Variants in EYS observed in about 807,000 individuals in gnomAD.
EYS encodes protein eyes shut homolog.
In EYS, 250 loss-of-function variants were observed where a neutral mutation model predicts 282.1. That is an observed-to-expected ratio of 0.89 (90% CI 0.80 to 0.98). The LOEUF (loss-of-function observed/expected upper bound fraction) is 0.98, where lower values mean the gene tolerates loss of function less well. EYS is among the 50% of genes least tolerant of loss of function. The pLI is 0.00. For missense variants in EYS, 4,016 were observed against 3,709.0 expected, an observed-to-expected ratio of 1.08 and a Z score of -2.15; for synonymous variants, 1,355 against 1,282.9, an observed-to-expected ratio of 1.06 and a Z score of -1.20.
Position 65,495,175 on chromosome 6 carries a change from G to T in EYS, c.236C>A (p.Pro79His). 1 of 1,614,006 alleles carries T rather than the reference G, an allele frequency of 6.2e-7. No homozygotes were observed. The highest frequency in any genetic ancestry group is 8.5e-7 in the Non-Finnish European group (1 of 1,179,936). Residue 79 changes from proline to histidine, a missense_variant, in exon 4 of 43, where the codon CCT (proline) becomes CAT (histidine). Physicochemically the swap from Pro to His is moderately conservative, Grantham distance 77. Coordinates refer to ENST00000503581, the MANE Select transcript of EYS (RefSeq NM_001142800.2). ...GATATCTCCTAATTGAATTTGCAAA[G>T]GGCAAATCTGGGGAACAGCTTGATT... ...SGNQAVPQIC[P>H]LQIQLGDILV... is the part of the protein sequence containing the mutation.
chr6:65,073,994 T>C (rs1773975281), intron 12 of EYS, among the ~76,000 whole-genome samples: 1 of 152,034 alleles, frequency 6.6e-6, no homozygotes, highest in Non-Finnish European at 1.5e-5. Flanking sequence ...ACTGGGCACA[T>C]GGAAGATGTT....
At chr6:64,396,392 TC>T (rs201793979) in intron 28 of EYS, among the ~76,000 whole-genome samples, 2,618 of 152,242 alleles carry the variant, frequency 0.017, 66 homozygotes, top group African/African-American at 0.059. Flanking sequence ...GCAAGGATTT[TC>T]TTTTTACTTT....
At chr6:65,275,965 A>G (rs1768034848) in intron 12 of EYS, among the ~76,000 whole-genome samples, 1 of 152,074 alleles carries the variant, frequency 6.6e-6, no homozygotes, top group Admixed American at 6.6e-5. Context: ...TATTCCACAT[A>G]ACACTGCTTC....
chr6:65,448,809 A>T (rs1031322272), intron 5 of EYS, among the ~76,000 whole-genome samples: 1 of 152,114 alleles, frequency 6.6e-6, no homozygotes, highest in Non-Finnish European at 1.5e-5. Flanking sequence ...AAGCAACTTA[A>T]GACTTGATGA....
At chr6:64,128,088 C>T (rs888931685) in intron 31 of EYS, among the ~76,000 whole-genome samples, 1 of 152,190 alleles carries the variant, frequency 6.6e-6, no homozygotes, top group Admixed American at 6.5e-5. Context: ...GAACTTGGGA[C>T]ATCTAAAGAG....
At chr6:64,262,328 T>C (rs1273455478) in intron 30 of EYS, among the ~76,000 whole-genome samples, 1 of 151,298 alleles carries the variant, frequency 6.6e-6, no homozygotes, top group Admixed American at 6.6e-5. Flanking sequence ...AATATTTTTA[T>C]ATTGTATATA....
At chr6:63,882,355 G>T (rs975661944) in intron 35 of EYS, among the ~76,000 whole-genome samples, 2 of 152,124 alleles carry the variant, frequency 1.3e-5, no homozygotes, top group African/African-American at 4.8e-5. Context: ...AGGCAAAACT[G>T]TCACATCGCA....
intron 35 of EYS, among the ~76,000 whole-genome samples, chr6:63,911,444 G>C (rs1351239853): frequency 6.6e-6 from 1 of 152,162 alleles, no homozygotes; most frequent in Admixed American, 6.5e-5. Flanking sequence ...CCTGACACAG[G>C]CTAACTGCCA....
intron 22 of EYS, among the ~76,000 whole-genome samples, chr6:64,742,552 G>A (rs896746174): frequency 6.6e-6 from 1 of 152,154 alleles, no homozygotes; most frequent in African/African-American, 2.4e-5. Flanking sequence ...GATCGAGAGA[G>A]TAGAATTTAT....
chr6:65,419,888 G>A (rs1442179035), intron 5 of EYS, among the ~76,000 whole-genome samples: 1 of 151,890 alleles, frequency 6.6e-6, no homozygotes, highest in Non-Finnish European at 1.5e-5. Context: ...GCATATGAAA[G>A]TTATGTTTAC....
intron 11 of EYS, among the ~76,000 whole-genome samples, chr6:65,296,545 T>G (rs1052697454): frequency 8.6e-5 from 13 of 151,772 alleles, no homozygotes; most frequent in African/African-American, 2.7e-4. Context: ...TATACATATA[T>G]ATAAGATTAT....
At chr6:64,191,842 C>A (rs1765122848) in intron 31 of EYS, among the ~76,000 whole-genome samples, 1 of 150,964 alleles carries the variant, frequency 6.6e-6, no homozygotes, top group Non-Finnish European at 1.5e-5. Flanking sequence ...GGGTATATAC[C>A]CAGTAATGGG....
Position 65,681,377 on chromosome 6 carries a change from A to G in EYS, c.-448+25758T>C, listed in dbSNP as rs146722183. Among the ~76,000 whole-genome samples the G allele has an allele frequency of 6.7e-3, 1,017 of 152,156 alleles. 12 individuals carry two copies. The highest frequency in any genetic ancestry group is 0.02 in the South Asian group (98 of 4,830). On this transcript the variant is annotated intron_variant, in intron 1 of 42. Coordinates refer to ENST00000503581, the MANE Select transcript of EYS (RefSeq NM_001142800.2). ...GAGTTGTATTCCAGGAAATGGGGTC[A>G]AAGACCAAATGTATATTTCATAATA...
At chr6:64,813,209 T>G (rs1269874768) in intron 22 of EYS, among the ~76,000 whole-genome samples, 169 bp downstream of exon 22, 2 of 152,028 alleles carry the variant, frequency 1.3e-5, no homozygotes, top group Admixed American at 6.6e-5. Context: ...TTGGAAAATA[T>G]AAACAATGAC....
chr6:63,931,960 A>G (rs1764906673), intron 35 of EYS, among the ~76,000 whole-genome samples: 1 of 152,122 alleles, frequency 6.6e-6, no homozygotes, highest in African/African-American at 2.4e-5. Flanking sequence ...TAATAACCAC[A>G]ATTCTATTCT....
intron 35 of EYS, among the ~76,000 whole-genome samples, chr6:63,868,543 A>C (rs1430285400): frequency 6.6e-6 from 1 of 152,180 alleles, no homozygotes; most frequent in Non-Finnish European, 1.5e-5. Flanking sequence ...GGAGGTTCTC[A>C]GCAGGAAAGA....
At chr6:64,453,208 A>C (rs898172811) in intron 26 of EYS, among the ~76,000 whole-genome samples, 1 of 152,136 alleles carries the variant, frequency 6.6e-6, no homozygotes, top group Non-Finnish European at 1.5e-5. Context: ...ATATGAACAG[A>C]CACTTCTCAA....
chr6:64,867,120 T>A (rs944630756), intron 19 of EYS, among the ~76,000 whole-genome samples: 1 of 151,832 alleles, frequency 6.6e-6, no homozygotes, highest in Non-Finnish European at 1.5e-5. Context: ...AATCCAGATA[T>A]TTAATTTGAG....
intron 22 of EYS, among the ~76,000 whole-genome samples, chr6:64,672,677 C>T (rs1021856144): frequency 2.6e-5 from 4 of 152,106 alleles, no homozygotes; most frequent in Non-Finnish European, 5.9e-5. Context: ...TAAACTAAAT[C>T]GTTTCCTGAA....
Sources: allele counts gnomAD v4.1 joint callset (sites outside exome capture counted in the v4.1 genomes callset), GRCh38; gene constraint gnomAD v4.1.1; transcripts MANE v1.5; gene names NCBI Gene and HGNC (gene_info 2026-07-23, HGNC 2026-07-21).